Variants in SAMMSON observed in about 807,000 individuals in gnomAD.
SAMMSON encodes long intergenic non-protein coding RNA 1212.
chr3:70,176,952 C>T (rs1024328282), intron 4 of SAMMSON, among the ~76,000 whole-genome samples: 6 of 152,086 alleles, frequency 3.9e-5, no homozygotes, highest in African/African-American at 1.4e-4. Context: ...TAGAATTCTT[C>T]ACACAGGAAT....
chr3:70,211,564 C>T (rs145561521), intron 4 of SAMMSON, among the ~76,000 whole-genome samples: 1 of 21,262 alleles, frequency 4.7e-5, no homozygotes, highest in Non-Finnish European at 9.0e-5. Context: ...TCCCTTTGCC[C>T]TTCCCTTCCC....
Position 70,011,521 on chromosome 3 carries a change from C to T in SAMMSON, n.23-836C>T, listed in dbSNP as rs150909850. Among the ~76,000 whole-genome samples, 205 of 151,956 alleles carry T rather than the reference C, an allele frequency of 1.3e-3. 1 individual carries two copies. The highest frequency in any genetic ancestry group is 4.8e-3 in the African/African-American group (199 of 41,410). On this transcript the variant is annotated intron_variant and non_coding_transcript_variant, in intron 1 of 9. Transcript: ENST00000642114. ...GTAAATTTAACAAAGCCAACTTTGA[C>T]CCCTGAGTGCTTTCATTTAGTTGAA...
intron 4 of SAMMSON, among the ~76,000 whole-genome samples, chr3:70,102,665 C>G (rs975182802): frequency 6.6e-6 from 1 of 152,140 alleles, no homozygotes; most frequent in Non-Finnish European, 1.5e-5. Context: ...ACGAACAGCT[C>G]CAAGTTCAAG....
chr3:70,100,666 C>T (rs1416259270), intron 4 of SAMMSON, among the ~76,000 whole-genome samples: 2 of 152,126 alleles, frequency 1.3e-5, no homozygotes, highest in African/African-American at 4.8e-5. Context: ...GAACGTGAAT[C>T]TGAACGATAT....
At chr3:70,209,882 C>T (rs1020527297) in intron 4 of SAMMSON, among the ~76,000 whole-genome samples, 1 of 152,062 alleles carries the variant, frequency 6.6e-6, no homozygotes, top group African/African-American at 2.4e-5. Flanking sequence ...TCTTTGCACA[C>T]TCAGGGAATC....
At chr3:70,295,010 T>G (rs567513512) in intron 7 of SAMMSON, among the ~76,000 whole-genome samples, 13 of 152,300 alleles carry the variant, frequency 8.5e-5, no homozygotes, top group Admixed American at 4.6e-4. Context: ...TGGGTTCTCA[T>G]GTCTCATTGT....
At chr3:70,131,392 GT>G (rs1395093353) in intron 4 of SAMMSON, among the ~76,000 whole-genome samples, 1 of 152,148 alleles carries the variant, frequency 6.6e-6, no homozygotes, top group Non-Finnish European at 1.5e-5. Context: ...ACCCCATGAG[GT>G]TTTCCCTGCT....
intron 9 of SAMMSON, among the ~76,000 whole-genome samples, chr3:70,360,943 A>G (rs1702866559): frequency 6.6e-6 from 1 of 152,166 alleles, no homozygotes; most frequent in Non-Finnish European, 1.5e-5. Context: ...GTTTTGCATT[A>G]TGAACTATCC....
Position 70,126,455 on chromosome 3 carries a change from C to T in SAMMSON, n.507+54890C>T, listed in dbSNP as rs979133161. On this transcript the variant is annotated intron_variant and non_coding_transcript_variant, in intron 4 of 9. Transcript: ENST00000642114. ...CTTATCTGACAGGTCATGCACCAAC[C>T]GTGCCTTGAAGTACTTCAGCAAGTC... The T allele has an allele frequency of 3.7e-5, 25 of 676,036 alleles. 1 individual carries two copies. The highest frequency in any genetic ancestry group is 2.0e-4 in the African/African-American group (11 of 55,630). The allele number at this position is 676,036 out of a possible 1,614,324, so 41.9% of individuals were successfully genotyped here. A position where few individuals can be genotyped will look rare whatever the true frequency, so the allele number is the denominator to read the frequency against.
intron 9 of SAMMSON, among the ~76,000 whole-genome samples, chr3:70,360,570 A>G (rs1702863927): frequency 6.6e-6 from 1 of 152,144 alleles, no homozygotes. Flanking sequence ...ACCTACAGCT[A>G]TCATATTTCT....
chr3:70,190,854 G>A (rs1426627204), intron 4 of SAMMSON, among the ~76,000 whole-genome samples: 2 of 152,170 alleles, frequency 1.3e-5, no homozygotes, highest in East Asian at 1.9e-4. Flanking sequence ...TTATGTGCCA[G>A]GTGGTTTACT....
At chr3:70,317,326 T>C (rs75930092) in intron 7 of SAMMSON, among the ~76,000 whole-genome samples, 9,704 of 152,032 alleles carry the variant, frequency 0.064, 410 homozygotes, top group Non-Finnish European at 0.083. Context: ...TCAAGTCTAC[T>C]GGCATCATTT....
chr3:70,237,979 C>CTTTTTTTTTTTTTTTTTTTTTTTTTTT lies in SAMMSON; in HGVS notation n.508-11102_508-11101insTTTTTTTTTTTTTTTTTTTTTTTTTTT, dbSNP rs71672662. Among the ~76,000 whole-genome samples, 8 of 48,942 alleles carry CTTTTTTTTTTTTTTTTTTTTTTTTTTT rather than the reference C, an allele frequency of 1.6e-4. 3 individuals carry two copies. Among genetic ancestry groups the CTTTTTTTTTTTTTTTTTTTTTTTTTTT allele is most frequent in the African/African-American group, 6.4e-4 (6 of 9,426 alleles). The allele number at this position is 48,942 out of a possible 152,430, so 32.1% of individuals were successfully genotyped here. ...GGAAAAGAAACTAATTGAGTGGTAT[C>CTTTTTTTTTTTTTTTTTTTTTTTTTTT]TTTTTTTTTTTTTTTTTTTTTTTTT... On this transcript the variant is annotated intron_variant and non_coding_transcript_variant, in intron 4 of 9. Transcript: ENST00000642114.
At chr3:70,401,610 T>C (rs2106763183) in intron 2 of SAMMSON, among the ~76,000 whole-genome samples, 1 of 150,434 alleles carries the variant, frequency 6.6e-6, no homozygotes, top group East Asian at 1.9e-4. Context: ...GTTTTATTTT[T>C]TTCTGGATAT....
At position 70,235,886 on chromosome 3, in the gene SAMMSON, G is replaced by A. The variant is rs1232394069; in HGVS notation, n.508-13221G>A. ...CAAAGACAATACATGTTCATTAAAT[G>A]TTCATATTAGTGGTTCAATGGACGT... is the stretch of plus-strand genomic sequence containing the variant. On this transcript the variant is annotated intron_variant and non_coding_transcript_variant, in intron 4 of 9. Transcript: ENST00000642114. Among the ~76,000 whole-genome samples, 3 of 152,130 alleles carry A rather than the reference G, an allele frequency of 2.0e-5. 1 individual carries two copies. Among genetic ancestry groups the A allele is most frequent in the Non-Finnish European group, 4.4e-5 (3 of 68,026 alleles).
chr3:70,096,160 T>A (rs1468977279), intron 4 of SAMMSON: 1 of 152,228 alleles, frequency 6.6e-6, no homozygotes, highest in East Asian at 1.9e-4. Context: ...AGAGCCTCAG[T>A]TTCCTGCTGG....
At chr3:70,355,812 A>G (rs965671053) in intron 8 of SAMMSON, among the ~76,000 whole-genome samples, 16 of 152,318 alleles carry the variant, frequency 1.1e-4, no homozygotes, top group Admixed American at 7.8e-4. Context: ...ACACTCAGGC[A>G]CATTGCTGTG....
intron 4 of SAMMSON, among the ~76,000 whole-genome samples, chr3:70,081,510 C>A (rs2067268298): frequency 6.6e-6 from 1 of 152,226 alleles, no homozygotes; most frequent in Non-Finnish European, 1.5e-5. Flanking sequence ...AAGACAGGCT[C>A]TTCACTCACT....
At chr3:70,355,955 G>A (rs1702826559) in intron 8 of SAMMSON, among the ~76,000 whole-genome samples, 1 of 152,046 alleles carries the variant, frequency 6.6e-6, no homozygotes, top group Non-Finnish European at 1.5e-5. Context: ...AAACAACCTA[G>A]CAAACTAGGA....
Sources: gnomAD v4.1 joint callset for allele counts (sites outside exome capture counted in the v4.1 genomes callset) on GRCh38, gnomAD v4.1.1 for gene constraint, MANE v1.5 for transcripts, NCBI Gene and HGNC (gene_info 2026-07-23, HGNC 2026-07-21) for gene names.